The following ELN variants were observed in gnomAD, a reference collection of about 807,000 sequenced individuals.
The protein encoded by ELN is elastin.
In ELN, 65 loss-of-function variants were observed where a neutral mutation model predicts 105.8. That is an observed-to-expected ratio of 0.61 (90% CI 0.50 to 0.75). ELN has a LOEUF of 0.75. Among genes scored for constraint, ELN ranks in the 30% least tolerant of loss-of-function variants. The pLI is 0.00. For missense variants in ELN, 882 were observed against 969.4 expected (o/e 0.91, Z 1.20); for synonymous variants, 368 against 389.2 (o/e 0.95, Z 0.64).
At chr7:74,061,014 T>G in intron 25 of ELN, 87 bp from the exon 26 acceptor site, 5 of 1,534,024 alleles carry the variant, frequency 3.3e-6, no homozygotes, top group Non-Finnish European at 4.5e-6. Context: ...GCCAAGGAAG[T>G]CAGGGAGGGC....
rs1314083499 is a variant in ELN, at chr7:74,045,233, C to A, written c.481C>A (p.Pro161Thr). 6.2e-7 allele frequency: 1 copy of A among 1,613,992 alleles called. No homozygotes were observed. Among genetic ancestry groups the A allele is most frequent in the Non-Finnish European group, 8.5e-7 (1 of 1,180,042 alleles). The change falls in exon 10 of 33, where the codon CCC becomes ACC. Residue 161 changes from proline (P) to threonine (T), a missense_variant. Coordinates refer to ENST00000252034, the MANE Select transcript of ELN (RefSeq NM_000501.4). Reference protein sequence around the residue: ...PGGVLPGARFPGVGVLPGVPT... With the variant: ...PGGVLPGARFTGVGVLPGVPT... ...TTGTCCCCCGGCAGGAGCTCGGTTC[C>A]CCGGTGTGGGGGTGCTCCCTGGAGT...
rs575742787 is a variant in ELN, at chr7:74,043,766, G to A, written c.428-113G>A. The A allele has an allele frequency of 2.2e-5, 31 of 1,395,656 alleles. No homozygotes were observed. In the Admixed American group the frequency reaches 3.1e-4, roughly 14 times the overall value. The allele number at this position is 1,395,656 out of a possible 1,614,324, so 86.5% of individuals were successfully genotyped here. On this transcript the variant is annotated intron_variant, in intron 8 of 32. Transcript: ENST00000252034. ...ACGTCTGTCCCTGGCTGCCCCTGTC[G>A]GGCACAGAGGCTGTGGGTTTGAGGG...
intron 26 of ELN, 31 bp downstream of exon 26, chr7:74,061,170 C>A: frequency 6.2e-7 from 1 of 1,613,744 alleles, no homozygotes; most frequent in Non-Finnish European, 8.5e-7. Context: ...CTTGTGGCTC[C>A]CTTGCCACCA....
Position 74,056,718 on chromosome 7 carries a change from G to A in ELN, c.1357+5G>A, listed in dbSNP as rs1026949390. The A allele has an allele frequency of 3.7e-6, 6 of 1,613,802 alleles. No homozygotes were observed. Among genetic ancestry groups the A allele is most frequent in the Admixed American group, 1.7e-5 (1 of 60,020 alleles). On this transcript the variant is annotated splice_donor_5th_base_variant and intron_variant, in intron 21 of 32. Transcript: ENST00000252034. ...CCGCCAAGGCTGCCAAGTACGGTAA[G>A]TGCCCCTGCCCTGCCTGTCCCCAAG...
chr7:74,052,937 A>T, intron 17 of ELN: 1 of 597,772 alleles, frequency 1.7e-6, no homozygotes, highest in Non-Finnish European at 2.9e-6. Context: ...AAAGAAAAAG[A>T]AAGAGATCAC....
chr7:74,068,228 C>T (rs1554690290), intron 32 of ELN, among the ~76,000 whole-genome samples: 2 of 152,176 alleles, frequency 1.3e-5, no homozygotes, highest in African/African-American at 4.8e-5. Context: ...CCTTGATTTA[C>T]TTATCTGATG....
At chr7:74,046,816 G>A (rs1554672680) in intron 12 of ELN, 49 bp downstream of exon 12, 2 of 1,591,918 alleles carry the variant, frequency 1.3e-6, no homozygotes, top group Admixed American at 1.7e-5. Context: ...GGGTGTGGTG[G>A]TTCACACCTG....
intron 4 of ELN, chr7:74,037,983 G>A (rs1790379413): frequency 9.0e-6 from 5 of 552,740 alleles, no homozygotes; most frequent in South Asian, 7.9e-5. Flanking sequence ...AGGGCGTCTA[G>A]CATCTACCCT....
Position 74,037,753 on chromosome 7 carries a change from C to A in ELN, c.196+14C>A. On this transcript the variant is annotated intron_variant, in intron 4 of 32. Coordinates refer to ENST00000252034, the MANE Select transcript of ELN (RefSeq NM_000501.4). ...CTCTTAAGCCAGGTAAGACCCAAGG[C>A]CTCGGAGCATTGAGAGACAGCGAGG... 1.2e-6 allele frequency: 2 copies of A among 1,610,844 alleles called. No homozygotes were observed. The highest frequency in any genetic ancestry group is 1.7e-4 in the Middle Eastern group (1 of 6,058).
At position 74,056,367 on chromosome 7, in the gene ELN, G is replaced by A; in HGVS notation, c.1247G>A (p.Gly416Glu). The change falls in exon 20 of 33, where the codon GGA becomes GAA. Residue 416 changes from glycine to glutamate, a missense_variant. Transcript: ENST00000252034. ...GGTGTCGGAGTCGGAGGTATCCCTG[G>A]AGTCGCAGGTGTCCCTGGTGTCGGA... ...GFGVGVGGIP[G>E]VAGVPGVGGV... 1.2e-6 allele frequency: 2 copies of A among 1,613,624 alleles called. No homozygotes were observed. The highest frequency in any genetic ancestry group is 1.3e-5 in the African/African-American group (1 of 75,010).
intron 9 of ELN, among the ~76,000 whole-genome samples, chr7:74,044,296 C>T (rs1314052324): frequency 6.6e-6 from 1 of 151,956 alleles, no homozygotes; most frequent in East Asian, 1.9e-4. Context: ...CTCCCTAGTA[C>T]CCCCCTCGCC....
At chr7:74,041,736 A>C (rs1554668630) in intron 5 of ELN, among the ~76,000 whole-genome samples, 1 of 151,992 alleles carries the variant, frequency 6.6e-6, no homozygotes, top group East Asian at 1.9e-4. Flanking sequence ...GTTGAGACAG[A>C]GTCCCACTCT....
intron 15 of ELN, among the ~76,000 whole-genome samples, chr7:74,050,844 C>T (rs1219159980): frequency 6.6e-6 from 1 of 151,794 alleles, no homozygotes; most frequent in Non-Finnish European, 1.5e-5. Flanking sequence ...GTGATTTAGG[C>T]CTTAAAAATA....
chr7:74,057,600 TGAGAGATTA>T, intron 21 of ELN, 31 bp from the exon 22 acceptor site: 1 of 1,609,460 alleles, frequency 6.2e-7, no homozygotes, highest in Non-Finnish European at 8.5e-7. Flanking sequence ...GGGAGGGGTG[TGAGAGATTA>T]CTCTCTCACC....
chr7:74,046,584 T>G, intron 11 of ELN, 112 bp from the exon 12 acceptor site: 1 of 1,136,886 alleles, frequency 8.8e-7, no homozygotes, highest in Non-Finnish European at 1.3e-6. Context: ...CGAAGCAGGA[T>G]GGTTTCTGGA....
At chr7:74,036,439 T>A in intron 2 of ELN, 116 bp from the exon 3 acceptor site, 3 of 1,385,146 alleles carry the variant, frequency 2.2e-6, no homozygotes, top group Non-Finnish European at 3.0e-6. Context: ...AGAGAGCAGG[T>A]CTTGCCCAAG....
rs1563837514 is a variant in ELN, at chr7:74,056,401, C to CG, written c.1283dup (p.Val429SerfsTer35). 1 of 1,613,570 alleles carries CG rather than the reference C, an allele frequency of 6.2e-7. No homozygotes were observed. Among genetic ancestry groups the CG allele is most frequent in the Admixed American group, 1.7e-5 (1 of 59,958 alleles). On this transcript the variant is annotated frameshift_variant, in exon 20 of 33. Transcript: ENST00000252034. LOFTEE classifies it high-confidence loss of function. The stretch of plus-strand genomic sequence containing the variant: ...GTGTCCCTGGTGTCGGAGGTGTTCC[C>CG]GGAGTCGGAGGTGTCCCGGGAGTTG...
chr7:74,065,383 G>A (rs1554688346), intron 29 of ELN, among the ~76,000 whole-genome samples: 3 of 151,968 alleles, frequency 2.0e-5, no homozygotes, highest in Non-Finnish European at 4.4e-5. Context: ...GGGAGGCCGA[G>A]GCAGGTGGAT....
intron 1 of ELN, among the ~76,000 whole-genome samples, chr7:74,029,688 A>AGCCAG (rs1788239358): frequency 6.6e-6 from 1 of 152,168 alleles, no homozygotes; most frequent in Non-Finnish European, 1.5e-5. Flanking sequence ...AGGGGCAACG[A>AGCCAG]GCCAGGGCCT....
Sources: allele counts gnomAD v4.1 joint callset (sites outside exome capture counted in the v4.1 genomes callset), GRCh38; gene constraint gnomAD v4.1.1; transcripts MANE v1.5; gene names NCBI Gene and HGNC (gene_info 2026-07-23, HGNC 2026-07-21).